The following NRXN3 variants were observed in gnomAD, a reference collection of about 807,000 sequenced individuals.
NRXN3 encodes the protein neurexin 3.
NRXN3 carries 32 observed loss-of-function variants against 137.6 expected under a neutral mutation model. That is an observed-to-expected ratio of 0.23 (90% CI 0.18 to 0.31). The LOEUF is 0.31. NRXN3 is among the 10% of genes least tolerant of loss of function. NRXN3 has a pLI of 1.00. For synonymous variants in NRXN3, 798 were observed against 784.5 expected, an observed-to-expected ratio of 1.02 and a Z score of -0.29; for missense variants, 1,574 against 2,062.5, an observed-to-expected ratio of 0.76 and a Z score of 4.59.
intron 15 of NRXN3, among the ~76,000 whole-genome samples, chr14:79,123,332 C>T (rs1246152831): frequency 6.6e-6 from 1 of 152,156 alleles, no homozygotes; most frequent in Non-Finnish European, 1.5e-5. Flanking sequence ...ATGAGTTTTC[C>T]AATTTCCATT....
At chr14:79,401,279 G>A (rs2095186071) in intron 15 of NRXN3, among the ~76,000 whole-genome samples, 1 of 152,190 alleles carries the variant, frequency 6.6e-6, no homozygotes, top group Admixed American at 6.5e-5. Flanking sequence ...ACATATTTAT[G>A]TGAGCCCTCT....
intron 1 of NRXN3, among the ~76,000 whole-genome samples, chr14:78,176,830 T>C (rs1469036714): frequency 6.6e-6 from 1 of 151,854 alleles, no homozygotes; most frequent in East Asian, 1.9e-4. Flanking sequence ...TAGTTCTCTT[T>C]CTTCAGAGGG....
intron 4 of NRXN3, among the ~76,000 whole-genome samples, chr14:78,333,674 A>C (rs1234888517): frequency 6.6e-6 from 1 of 152,146 alleles, no homozygotes; most frequent in Non-Finnish European, 1.5e-5. Context: ...TGATGATGAC[A>C]TAGGGAGGGA....
At chr14:79,602,612 G>A (rs1035183551) in intron 16 of NRXN3, among the ~76,000 whole-genome samples, 1 of 152,142 alleles carries the variant, frequency 6.6e-6, no homozygotes, top group African/African-American at 2.4e-5. Context: ...CAGTTTCAGT[G>A]AGATGGGAAT....
chr14:78,491,106 AAG>A (rs1363529537), intron 4 of NRXN3, among the ~76,000 whole-genome samples: 1 of 152,098 alleles, frequency 6.6e-6, no homozygotes, highest in Non-Finnish European at 1.5e-5. Context: ...GTCGGCTGGG[AAG>A]AGTTATAAAG....
intron 1 of NRXN3, among the ~76,000 whole-genome samples, chr14:78,181,029 C>T (rs2059760793): frequency 6.6e-6 from 1 of 152,216 alleles, no homozygotes; most frequent in South Asian, 2.1e-4. Flanking sequence ...TCCCACCAGG[C>T]TTGCTAACTG....
intron 4 of NRXN3, among the ~76,000 whole-genome samples, chr14:78,398,182 C>G (rs1488969156): frequency 6.8e-6 from 1 of 147,720 alleles, no homozygotes; most frequent in African/African-American, 2.5e-5. Context: ...CCATTGCACT[C>G]CAGCCTGGGT....
chr14:78,248,509 G>A (rs2068082890), intron 2 of NRXN3, among the ~76,000 whole-genome samples: 1 of 151,940 alleles, frequency 6.6e-6, no homozygotes, highest in Non-Finnish European at 1.5e-5. Flanking sequence ...ATACCAAGAG[G>A]AGGCTGCTTA....
chr14:78,806,560 G>T (rs1221481600), intron 9 of NRXN3, among the ~76,000 whole-genome samples: 1 of 152,022 alleles, frequency 6.6e-6, no homozygotes. Context: ...ATTTCAAATT[G>T]ATCACACATA....
chr14:79,659,960 A>C (rs576277494), intron 16 of NRXN3, among the ~76,000 whole-genome samples: 2 of 152,292 alleles, frequency 1.3e-5, no homozygotes, highest in East Asian at 3.9e-4. Flanking sequence ...TTACTTATAA[A>C]GTACCATCAT....
At chr14:79,445,820 A>G (rs779190507) in intron 15 of NRXN3, among the ~76,000 whole-genome samples, 1 of 152,288 alleles carries the variant, frequency 6.6e-6, no homozygotes, top group Non-Finnish European at 1.5e-5. Flanking sequence ...GGGTCAGATC[A>G]TGGAGGGCCT....
At chr14:78,295,807 G>A (rs757678733) in intron 3 of NRXN3, among the ~76,000 whole-genome samples, 3 of 152,014 alleles carry the variant, frequency 2.0e-5, no homozygotes, top group Non-Finnish European at 4.4e-5. Flanking sequence ...CGCAATGATA[G>A]AGGTTTTTAC....
intron 19 of NRXN3, among the ~76,000 whole-genome samples, chr14:79,780,533 C>T (rs1437468829): frequency 2.0e-5 from 3 of 151,964 alleles, no homozygotes; most frequent in Admixed American, 6.6e-5. Context: ...GGTGTGAACC[C>T]GGGAGGCGGA....
At chr14:79,077,411 T>G (rs1418657299) in intron 15 of NRXN3, among the ~76,000 whole-genome samples, 1 of 152,216 alleles carries the variant, frequency 6.6e-6, no homozygotes, top group Non-Finnish European at 1.5e-5. Context: ...AGTTTTCCTT[T>G]TTTTCCTCTT....
intron 20 of NRXN3, among the ~76,000 whole-genome samples, chr14:79,822,109 A>C (rs1398924843): frequency 9.2e-5 from 14 of 152,168 alleles, no homozygotes. Context: ...CTAAGAGATT[A>C]TAGACAAGTT....
intron 17 of NRXN3, among the ~76,000 whole-genome samples, chr14:79,689,742 A>T (rs903611437): frequency 1.6e-4 from 25 of 152,044 alleles, no homozygotes; most frequent in African/African-American, 5.8e-4. Context: ...AGCCTGTATC[A>T]TGCCCCCAGA....
intron 4 of NRXN3, among the ~76,000 whole-genome samples, chr14:78,604,159 A>G (rs2097225758): frequency 6.6e-6 from 1 of 152,210 alleles, no homozygotes; most frequent in Non-Finnish European, 1.5e-5. Flanking sequence ...TACCACAAGA[A>G]CAGTATGAGG....
chr14:78,228,859 C>T (rs773679911), intron 1 of NRXN3, among the ~76,000 whole-genome samples: 5 of 152,250 alleles, frequency 3.3e-5, no homozygotes, highest in East Asian at 3.9e-4. Context: ...TTCATGCGGA[C>T]GGTGATAACC....
intron 4 of NRXN3, among the ~76,000 whole-genome samples, chr14:78,496,270 A>G (rs1287666194): frequency 6.6e-6 from 1 of 152,188 alleles, no homozygotes; most frequent in Non-Finnish European, 1.5e-5. Flanking sequence ...CATTGGGGGA[A>G]AAAAATAAAG....
Sources: gnomAD v4.1 joint callset for allele counts (sites outside exome capture counted in the v4.1 genomes callset) on GRCh38, gnomAD v4.1.1 for gene constraint, MANE v1.5 for transcripts, NCBI Gene and HGNC (gene_info 2026-07-23, HGNC 2026-07-21) for gene names.